NEMP2: variants seen among roughly 807,000 people sequenced by gnomAD.
The protein encoded by NEMP2 is UPF0571 transmembrane protein.
Under a neutral mutation model 54.2 loss-of-function variants are expected in NEMP2, and 53 were observed. The ratio of observed to expected loss-of-function variants is 0.98; its 90% CI spans 0.78 to 1.23. NEMP2 has a LOEUF of 1.23. Ranked by LOEUF, NEMP2 falls within the 50% of genes most tolerant of loss-of-function variation. The pLI, the probability that NEMP2 is intolerant of heterozygous loss-of-function variation, is 0.00. For missense variants in NEMP2, 455 were observed against 511.3 expected, an observed-to-expected ratio of 0.89 and a Z score of 1.06; for synonymous variants, 197 against 190.3, an observed-to-expected ratio of 1.04 and a Z score of -0.29.
the NEMP2 span, among the ~76,000 whole-genome samples, chr2:190,450,230 T>C: frequency 6.6e-6 from 1 of 152,080 alleles, no homozygotes; most frequent in Non-Finnish European, 1.5e-5. Context: ...TATTTCTACA[T>C]ATACATGGAA....
chr2:190,427,072 C>T, the NEMP2 span, among the ~76,000 whole-genome samples: 1 of 152,182 alleles, frequency 6.6e-6, no homozygotes, highest in Non-Finnish European at 1.5e-5. Flanking sequence ...GAGGGGTGGA[C>T]CTCCTTACTG....
Position 190,510,343 on chromosome 2 carries a change from C to A in NEMP2, c.1130+18G>T, listed in dbSNP as rs137941105. ...ATTCTGAACTAAACTATGGTCCGAG[C>A]AGCAGAGCGGGACTTACTTGCTAGG... On this transcript the variant is annotated intron_variant, in intron 8 of 8. Coordinates refer to ENST00000409150, the MANE Select transcript of NEMP2 (RefSeq NM_001142645.2). This position sits in a 1 kb window ranked among gnomAD's most constrained non-coding sequence, Gnocchi z 5.7. The A allele has an allele frequency of 1.0e-3, 1,578 of 1,551,196 alleles. 13 individuals are homozygous for A. The African/African-American group carries it at 0.019, about 19-fold the overall frequency.
At chr2:190,431,404 G>T in the NEMP2 span, among the ~76,000 whole-genome samples, 2 of 152,236 alleles carry the variant, frequency 1.3e-5, no homozygotes, top group Non-Finnish European at 2.9e-5. The surrounding 1 kb of genome is among the most constrained non-coding windows in gnomAD (Gnocchi z 4.4). Flanking sequence ...CTGCACTCCA[G>T]CCTGGGCACC....
the NEMP2 span, among the ~76,000 whole-genome samples, chr2:190,633,311 CTTT>C: frequency 1.4e-4 from 19 of 132,452 alleles, no homozygotes; most frequent in East Asian, 2.1e-4. Flanking sequence ...TCAACTTTTC[CTTT>C]TTTTTTTTTT....
At chr2:190,455,181 T>G in the NEMP2 span, among the ~76,000 whole-genome samples, 1 of 152,118 alleles carries the variant, frequency 6.6e-6, no homozygotes, top group East Asian at 1.9e-4. Context: ...ATTGGTATCA[T>G]CAAAATAGAG....
At chr2:190,621,984 G>C in the NEMP2 span, among the ~76,000 whole-genome samples, 1 of 152,176 alleles carries the variant, frequency 6.6e-6, no homozygotes, top group Non-Finnish European at 1.5e-5. Flanking sequence ...GCATTCACCT[G>C]TAGTCCCAGT....
rs1228192417 is a variant in NEMP2 at position 190,520,611 on chromosome 2, G to T, written c.214-1428C>A. On this transcript the variant is annotated intron_variant, in intron 2 of 8. Transcript: ENST00000409150. This position sits in a 1 kb window ranked among gnomAD's most constrained non-coding sequence, Gnocchi z 5.4. ...TACCACTTCCTGTCATTCTTCTTAG[G>T]TATTTCAGTATGTACAATATACACA... Among the ~76,000 whole-genome samples, 1 of 152,040 alleles carries T rather than the reference G, an allele frequency of 6.6e-6. No homozygotes were observed. The highest frequency in any genetic ancestry group is 1.5e-5 in the Non-Finnish European group (1 of 68,006).
At chr2:190,605,191 CTCTT>C in the NEMP2 span, among the ~76,000 whole-genome samples, 7 of 152,088 alleles carry the variant, frequency 4.6e-5, no homozygotes, top group South Asian at 1.5e-3. Context: ...TTACGTCATT[CTCTT>C]TCTTATAAAT....
the NEMP2 span, among the ~76,000 whole-genome samples, chr2:190,484,787 C>T: frequency 6.6e-6 from 1 of 152,118 alleles, no homozygotes; most frequent in African/African-American, 2.4e-5. Flanking sequence ...AATTTAATTG[C>T]TTCTTCACTT....
In NEMP2 at chr2:190,528,942, A is replaced by G. The variant is rs889011495; in HGVS notation, c.98-3564T>C. 6.6e-6 allele frequency among the ~76,000 whole-genome samples: 1 copy of G among 152,210 alleles called. No individual in the cohort carries two copies. The highest frequency in any genetic ancestry group is 1.5e-5 in the Non-Finnish European group (1 of 68,038). On this transcript the variant is annotated intron_variant, in intron 1 of 8. Transcript: ENST00000409150. The surrounding 1 kb of genome is among the most constrained non-coding windows in gnomAD (Gnocchi z 4.3). Reference sequence around the variant, plus strand: ...CATTCCTCTTGCACTAGGATGATGTAATAGCCTTCTATCTGGCTGGTCTCC... The same window carrying G: ...CATTCCTCTTGCACTAGGATGATGTGATAGCCTTCTATCTGGCTGGTCTCC...
chr2:190,429,747 T>C, the NEMP2 span, among the ~76,000 whole-genome samples: 1 of 152,242 alleles, frequency 6.6e-6, no homozygotes, highest in African/African-American at 2.4e-5. Flanking sequence ...TTCTAAAAGC[T>C]ATGTTATTTA....
chr2:190,495,415 C>T, the NEMP2 span, among the ~76,000 whole-genome samples: 1 of 152,032 alleles, frequency 6.6e-6, no homozygotes, highest in Non-Finnish European at 1.5e-5. The surrounding 1 kb of genome is among the most constrained non-coding windows in gnomAD (Gnocchi z 4.7). Flanking sequence ...TGAAAATGAC[C>T]ATACTGCTAA....
the NEMP2 span, chr2:190,628,513 C>A: frequency 6.6e-6 from 1 of 152,336 alleles, no homozygotes; most frequent in Non-Finnish European, 1.5e-5. The surrounding 1 kb of genome is among the most constrained non-coding windows in gnomAD (Gnocchi z 4.1). Context: ...ACTCCAGTCT[C>A]TGTTATCTCA....
At chr2:190,645,307 A>G in the NEMP2 span, among the ~76,000 whole-genome samples, 1 of 152,224 alleles carries the variant, frequency 6.6e-6, no homozygotes, top group Non-Finnish European at 1.5e-5. Flanking sequence ...ATGGTGTTAA[A>G]AATTCAGAAT....
At chr2:190,567,116 A>G in the NEMP2 span, among the ~76,000 whole-genome samples, 1 of 152,194 alleles carries the variant, frequency 6.6e-6, no homozygotes, top group Admixed American at 6.5e-5. The surrounding 1 kb of genome is among the most constrained non-coding windows in gnomAD (Gnocchi z 4.0). Context: ...GTATCTATAA[A>G]ATAAAAGCAG....
At chr2:190,461,398 T>C in the NEMP2 span, among the ~76,000 whole-genome samples, 9 of 152,224 alleles carry the variant, frequency 5.9e-5, no homozygotes, top group Non-Finnish European at 1.3e-4. The surrounding 1 kb of genome is among the most constrained non-coding windows in gnomAD (Gnocchi z 5.5). Context: ...TATGAGGTTC[T>C]AGTGTTGTAT....
At chr2:190,580,195 C>T in the NEMP2 span, among the ~76,000 whole-genome samples, 1 of 152,176 alleles carries the variant, frequency 6.6e-6, no homozygotes, top group African/African-American at 2.4e-5. The surrounding 1 kb of genome is among the most constrained non-coding windows in gnomAD (Gnocchi z 5.3). Flanking sequence ...AGATAGGAAA[C>T]TCTAGGTACC....
At chr2:190,576,467 C>T in the NEMP2 span, among the ~76,000 whole-genome samples, 5 of 151,994 alleles carry the variant, frequency 3.3e-5, no homozygotes, top group East Asian at 1.9e-4. Flanking sequence ...TTAAATGAAA[C>T]GGGAAACATC....
Position 190,520,650 on chromosome 2 carries a change from T to A in NEMP2, c.214-1467A>T, listed in dbSNP as rs1364161104. ...ACAATATACACACCAATCCTTCCAG[T>A]ATCCTGACCTCTCAGTTCCTGGGAC... On this transcript the variant is annotated intron_variant, in intron 2 of 8. Transcript: ENST00000409150. The surrounding 1 kb of genome is among the most constrained non-coding windows in gnomAD (Gnocchi z 5.4). Among the ~76,000 whole-genome samples, 1 of 152,196 alleles carries A rather than the reference T, an allele frequency of 6.6e-6. No homozygotes were observed. Among genetic ancestry groups the A allele is most frequent in the African/African-American group, 2.4e-5 (1 of 41,458 alleles).
Sources: gnomAD v4.1 joint callset for allele counts (sites outside exome capture counted in the v4.1 genomes callset) on GRCh38, gnomAD v4.1.1 for gene constraint, Gnocchi (gnomAD v3.1) non-coding constraint, MANE v1.5 for transcripts, NCBI Gene and HGNC (gene_info 2026-07-23, HGNC 2026-07-21) for gene names.